The following NAV1 variants were observed in gnomAD, a reference collection of about 807,000 sequenced individuals.
The protein encoded by NAV1 is neuron navigator 1, also known as pore membrane and/or filament interacting like protein 3.
NAV1 carries 18 observed loss-of-function variants against 175.2 expected under a neutral mutation model. The ratio of observed to expected loss-of-function variants is 0.10; its 90% confidence interval spans 0.07 to 0.15. The LOEUF (loss-of-function observed/expected upper bound fraction) is 0.15, where lower values mean the gene tolerates loss of function less well. Among genes scored for constraint, NAV1 ranks in the 10% least tolerant of loss-of-function variants. The pLI, the probability that NAV1 is intolerant of heterozygous loss-of-function variation, is 1.00. For missense variants in NAV1, 1,731 were observed against 2,436.6 expected (o/e 0.71, Z 6.10); for synonymous variants, 897 against 978.7 (o/e 0.92, Z 1.56).
At chr1:201,628,481 G>A (rs1668399001) in intron 1 of NAV1, among the ~76,000 whole-genome samples, 1 of 152,114 alleles carries the variant, frequency 6.6e-6, no homozygotes, top group Admixed American at 6.5e-5. Context: ...ATTGAGCCCA[G>A]AGTCCCGGCC....
At chr1:201,609,620 G>C (rs1169212354) in intron 2 of NAV1, among the ~76,000 whole-genome samples, 1 of 152,192 alleles carries the variant, frequency 6.6e-6, no homozygotes, top group Non-Finnish European at 1.5e-5. Flanking sequence ...TAAAGCAAGT[G>C]TGAGAAAGAT....
chr1:201,824,086 G>A (rs1163901611), exon 30 of NAV1: 1 of 152,178 alleles, frequency 6.6e-6, no homozygotes, highest in African/African-American at 2.4e-5. Flanking sequence ...GGAGAGGGCG[G>A]GGGAATTGTC....
intron 3 of NAV1, among the ~76,000 whole-genome samples, chr1:201,753,844 G>C (rs1007407395): frequency 6.6e-6 from 1 of 152,134 alleles, no homozygotes; most frequent in Non-Finnish European, 1.5e-5. Flanking sequence ...GATTATTGTT[G>C]TTACACAAAA....
Position 201,782,556 on chromosome 1 carries a change from A to G in NAV1, c.2044A>G (p.Met682Val). ...GCCCCGGCCAGCCAAGTCAAGTTCT[A>G]TGAGCGTGACCGGCGGGCGGGGTGG... The change falls in exon 6 of 30, where the codon ATG becomes GTG. Residue 682 changes from methionine (M) to valine (V), a missense_variant. Transcript: ENST00000367296. The surrounding 1 kb of genome is among the most constrained non-coding windows in gnomAD (Gnocchi z 5.4). The G allele has an allele frequency of 6.2e-7, 1 of 1,612,154 alleles. No individual in the cohort carries two copies. Among genetic ancestry groups the G allele is most frequent in the Non-Finnish European group, 8.5e-7 (1 of 1,178,422 alleles).
chr1:201,763,594 C>A (rs1674998377), intron 3 of NAV1, among the ~76,000 whole-genome samples: 1 of 152,216 alleles, frequency 6.6e-6, no homozygotes, highest in Non-Finnish European at 1.5e-5. Context: ...GCCGAGTCAG[C>A]ATTCCTCACC....
exon 1 of NAV1, chr1:201,623,130 TG>T: frequency 1.0e-6 from 1 of 985,956 alleles, no homozygotes. Flanking sequence ...CCAAGTTTGC[TG>T]GGGCGGTGAG....
chr1:201,585,230 T>C (rs1368980909), intron 1 of NAV1, among the ~76,000 whole-genome samples: 1 of 152,208 alleles, frequency 6.6e-6, no homozygotes, highest in South Asian at 2.1e-4. Flanking sequence ...GGGTTTTTCA[T>C]GGAGTACTGA....
intron 2 of NAV1, among the ~76,000 whole-genome samples, chr1:201,716,577 GT>G (rs1454815181): frequency 2.6e-5 from 4 of 152,168 alleles, no homozygotes; most frequent in African/African-American, 4.8e-5. Flanking sequence ...ACACAAAGGG[GT>G]TCCTAAAGGG....
At chr1:201,759,996 T>C (rs796687983) in intron 3 of NAV1, among the ~76,000 whole-genome samples, 10 of 152,364 alleles carry the variant, frequency 6.6e-5, no homozygotes, top group African/African-American at 2.4e-4. Flanking sequence ...CTGGTACTCC[T>C]GCCCCTGTGG....
intron 2 of NAV1, among the ~76,000 whole-genome samples, chr1:201,592,360 C>T (rs1205292261): frequency 6.6e-6 from 1 of 152,146 alleles, no homozygotes; most frequent in Non-Finnish European, 1.5e-5. Context: ...GGTGGGACAA[C>T]AGCTGACAGA....
At chr1:201,634,351 C>T (rs1162377303) in intron 2 of NAV1, among the ~76,000 whole-genome samples, 1 of 152,226 alleles carries the variant, frequency 6.6e-6, no homozygotes, top group Admixed American at 6.5e-5. Context: ...CTGGGATAGA[C>T]AGGTTAAGTG....
At chr1:201,732,408 G>A (rs1228000264) in intron 3 of NAV1, among the ~76,000 whole-genome samples, 4 of 151,908 alleles carry the variant, frequency 2.6e-5, no homozygotes, top group Non-Finnish European at 5.9e-5. Flanking sequence ...CAAACTCCTG[G>A]GCTCAAGCTA....
intron 3 of NAV1, among the ~76,000 whole-genome samples, chr1:201,733,062 C>CAGG (rs1672934451): frequency 6.6e-6 from 1 of 151,058 alleles, no homozygotes; most frequent in Non-Finnish European, 1.5e-5. Context: ...CAGAGCGAGA[C>CAGG]TCTGTCTCAA....
At chr1:201,646,104 G>A (rs542090040), upstream of NAV1, among the ~76,000 whole-genome samples, 24 of 152,302 alleles carry the variant, frequency 1.6e-4, no homozygotes, top group African/African-American at 5.5e-4. Flanking sequence ...TACTTCGTGT[G>A]TGCCCAGAAA....
chr1:201,725,792 A>C (rs183233153), intron 3 of NAV1, among the ~76,000 whole-genome samples: 1 of 152,106 alleles, frequency 6.6e-6, no homozygotes, highest in African/African-American at 2.4e-5. Flanking sequence ...CACTGTTTCT[A>C]CAAAAAAAAT....
chr1:201,693,903 G>T (rs770850825), intron 1 of NAV1, among the ~76,000 whole-genome samples: 1 of 152,144 alleles, frequency 6.6e-6, no homozygotes, highest in Non-Finnish European at 1.5e-5. Context: ...GCATGGATAA[G>T]ATGTGCTTTT....
At chr1:201,737,496 G>C (rs943781894) in intron 3 of NAV1, 1 of 152,226 alleles carries the variant, frequency 6.6e-6, no homozygotes, top group Non-Finnish European at 1.5e-5. Context: ...GCTGAGACTT[G>C]TTCTCTTTAT....
chr1:201,712,255 G>C (rs915916275), intron 1 of NAV1, among the ~76,000 whole-genome samples: 4 of 152,194 alleles, frequency 2.6e-5, no homozygotes, highest in Non-Finnish European at 5.9e-5. Context: ...GCTTGTACCA[G>C]TTCCCCAGAG....
intron 1 of NAV1, among the ~76,000 whole-genome samples, chr1:201,569,860 T>C (rs12081043): frequency 0.2 from 29,871 of 152,134 alleles, 3,384 homozygotes; most frequent in African/African-American, 0.32. Context: ...GAAGCAGACA[T>C]CCAGCTCTTA....
Sources: gnomAD v4.1 joint callset for allele counts (sites outside exome capture counted in the v4.1 genomes callset) on GRCh38, gnomAD v4.1.1 for gene constraint, Gnocchi (gnomAD v3.1) non-coding constraint, MANE v1.5 for transcripts, NCBI Gene and HGNC (gene_info 2026-07-23, HGNC 2026-07-21) for gene names.